The following SFSWAP variants were observed in gnomAD, a reference collection of about 807,000 sequenced individuals.
SFSWAP encodes splicing factor SWAP, also known as splicing factor, suppressor of white-apricot homolog.
Under a neutral mutation model 100.7 loss-of-function variants are expected in SFSWAP, and 17 were observed. That is an observed-to-expected ratio of 0.17 (90% confidence interval 0.12 to 0.25). The LOEUF (loss-of-function observed/expected upper bound fraction) is 0.25, where lower values mean the gene tolerates loss of function less well. Ranked by LOEUF, SFSWAP falls within the 10% of genes least tolerant of loss-of-function variation. The probability of loss-of-function intolerance (pLI) is 1.00; values close to 1 mark genes in which losing one functional copy is unlikely to be tolerated. For synonymous variants in SFSWAP, 504 were observed against 510.1 expected, an observed-to-expected ratio of 0.99 and a Z score of 0.16; for missense variants, 1,005 against 1,262.6, an observed-to-expected ratio of 0.80 and a Z score of 3.09.
In SFSWAP at chr12:131,711,493, C is replaced by T. The variant is rs751086984; in HGVS notation, c.218+46C>T. ...GTCGATCCTTCCCTTCCCTCACCCG[C>T]TTGATCTCGTCTGATGTTGACTTGA... is the stretch of plus-strand genomic sequence containing the variant. On this transcript the variant is annotated intron_variant, in intron 1 of 17. Transcript: ENST00000261674. The surrounding 1 kb of genome is among the most constrained non-coding windows in gnomAD (Gnocchi z 4.9). 1.3e-6 allele frequency: 2 copies of T among 1,489,044 alleles called. No individual in the cohort carries two copies. Among genetic ancestry groups the T allele is most frequent in the Admixed American group, 1.7e-5 (1 of 59,326 alleles). The allele number at this position is 1,489,044 out of a possible 1,614,324, so 92.2% of individuals were successfully genotyped here.
At position 131,797,316 on chromosome 12, in the gene SFSWAP, C is replaced by T. The variant is rs758662008; in HGVS notation, c.2673C>T (p.Ser891=). Residue 891 remains serine (S), a synonymous_variant, in exon 16 of 18, where the codon AGC becomes AGT. Coordinates refer to ENST00000261674, the MANE Select transcript of SFSWAP (RefSeq NM_004592.4). ...CGGCCCACTCGGCGCACTCAGCCAG[C>T]GTCTCCCCTGTGGAGAGTCGGGGCT... ...APAAHSAHSA[S]VSPVESRGSS... 6.2e-6 allele frequency: 10 copies of T among 1,611,120 alleles called. No individual in the cohort carries two copies. Among genetic ancestry groups the T allele is most frequent in the African/African-American group, 5.3e-5 (4 of 74,868 alleles).
At chr12:131,764,339 T>C (rs1032586788) in intron 11 of SFSWAP, 117 bp from the exon 12 acceptor site, 3 of 757,754 alleles carry the variant, frequency 4.0e-6, no homozygotes, top group Admixed American at 4.4e-5. Context: ...ACCCTGCATA[T>C]GATGTGGCTC....
At chr12:131,738,636 G>A (rs1301242472) in intron 7 of SFSWAP, among the ~76,000 whole-genome samples, 1 of 152,124 alleles carries the variant, frequency 6.6e-6, no homozygotes. Context: ...GGTTGTCATT[G>A]TAGATATTTT....
chr12:131,793,561 A>G (rs1224250019), intron 15 of SFSWAP, among the ~76,000 whole-genome samples: 1 of 152,154 alleles, frequency 6.6e-6, no homozygotes, highest in Non-Finnish European at 1.5e-5. Context: ...AGGGTGGCAA[A>G]GATTCCTTAA....
At chr12:131,748,478 A>G (rs987116754) in intron 7 of SFSWAP, among the ~76,000 whole-genome samples, 30 of 152,128 alleles carry the variant, frequency 2.0e-4, no homozygotes, top group African/African-American at 7.2e-4. Flanking sequence ...TTCTTAATAT[A>G]CACATTGTTC....
In SFSWAP at chr12:131,714,098, C is replaced by G. The variant is rs1443554577; in HGVS notation, c.246C>G (p.Asp82Glu). Residue 82 changes from aspartate (D) to glutamate (E), a missense_variant, in exon 2 of 18, where the codon GAC becomes GAG. Physicochemically the swap from Asp to Glu is conservative, Grantham distance 45. Transcript: ENST00000261674. The surrounding 1 kb of genome is among the most constrained non-coding windows in gnomAD (Gnocchi z 6.0). ...ATGATGGACGTGGTCACCTGCATGA[C>G]CTTTCTGAGTACGATGCTGAGTATT... ...DRYDGRGHLHDLSEYDAEYST... is the reference protein window; with the variant it reads ...DRYDGRGHLHELSEYDAEYST... 6.2e-7 allele frequency: 1 copy of G among 1,613,748 alleles called. No homozygotes were observed. The highest frequency in any genetic ancestry group is 1.1e-5 in the South Asian group (1 of 91,062).
At chr12:131,753,025 T>C (rs1375029035) in intron 7 of SFSWAP, 98 bp from the exon 8 acceptor site, 12 of 1,522,100 alleles carry the variant, frequency 7.9e-6, no homozygotes, top group African/African-American at 1.4e-5. Flanking sequence ...GAGGCAAGGC[T>C]GCATCTTGCC....
intron 4 of SFSWAP, among the ~76,000 whole-genome samples, chr12:131,723,073 C>A (rs1240342980): frequency 6.6e-6 from 1 of 152,102 alleles, no homozygotes; most frequent in Non-Finnish European, 1.5e-5. Flanking sequence ...GGGGTTCTAG[C>A]CAAGGGACCG....
At chr12:131,775,401 C>T (rs28478934) in intron 13 of SFSWAP, among the ~76,000 whole-genome samples, 14,498 of 152,180 alleles carry the variant, frequency 0.095, 974 homozygotes, top group South Asian at 0.22. Context: ...TTCCCAATGG[C>T]GTCTTTCAGC....
chr12:131,764,667 G>A lies in SFSWAP; in HGVS notation c.1932G>A (p.Glu644=). The change falls in exon 12 of 18, where the codon GAG becomes GAA. Residue 644 remains glutamate (E), a synonymous_variant. Transcript: ENST00000261674. ...AGAAGAAGCCTCAACTTACCCAGGA[G>A]GAGCTAGAAGCAAAGCAAGGTTTGT... ...VEEKKPQLTQ[E]ELEAKQAKQK... The A allele has an allele frequency of 6.2e-7, 1 of 1,613,170 alleles. No homozygotes were observed. Among genetic ancestry groups the A allele is most frequent in the Non-Finnish European group, 8.5e-7 (1 of 1,179,198 alleles).
At position 131,719,436 on chromosome 12, in the gene SFSWAP, A is replaced by G. The variant is rs780698022; in HGVS notation, c.521-18A>G. On this transcript the variant is annotated intron_variant, in intron 3 of 17. Transcript: ENST00000261674. ...CTCCCTGCATTGTTCTGAATTTTTT[A>G]ATTTTCTTTTTATGCAGAAAAAAAT... 1 of 1,607,064 alleles carries G rather than the reference A, an allele frequency of 6.2e-7. No individual in the cohort carries two copies. Among genetic ancestry groups the G allele is most frequent in the East Asian group, 2.2e-5 (1 of 44,850 alleles).
At chr12:131,787,847 C>G (rs1885003638) in intron 15 of SFSWAP, among the ~76,000 whole-genome samples, 1 of 152,188 alleles carries the variant, frequency 6.6e-6, no homozygotes, top group South Asian at 2.1e-4. Context: ...ACGGTTCCCT[C>G]CGTTGACAAG....
chr12:131,746,969 T>C (rs1359160064), intron 7 of SFSWAP, among the ~76,000 whole-genome samples: 1 of 152,064 alleles, frequency 6.6e-6, no homozygotes, highest in Non-Finnish European at 1.5e-5. Flanking sequence ...CCGGGTGTGG[T>C]GGCGGGTGCC....
intron 13 of SFSWAP, among the ~76,000 whole-genome samples, chr12:131,768,495 G>A (rs1883303947): frequency 6.6e-6 from 1 of 152,176 alleles, no homozygotes; most frequent in Admixed American, 6.5e-5. Flanking sequence ...CTGGCAGGAG[G>A]CCTCAGAAAT....
At position 131,754,522 on chromosome 12, in the gene SFSWAP, T is replaced by TTA. The variant is rs763695364; in HGVS notation, c.1454+24_1454+25dup. On this transcript the variant is annotated intron_variant, in intron 9 of 17. Coordinates refer to ENST00000261674, the MANE Select transcript of SFSWAP (RefSeq NM_004592.4). ...AAGGTCAGAAGAAGAATTTTATATGTTAGGTATATGGCATTTGGGGGTTTC... is the reference window on the plus strand; with the variant it reads ...AAGGTCAGAAGAAGAATTTTATATGTTATAGGTATATGGCATTTGGGGGTTTC... The TTA allele has an allele frequency of 2.6e-6, 4 of 1,536,230 alleles. No homozygotes were observed. In the African/African-American group the frequency reaches 4.2e-5, roughly 16 times the overall value.
At chr12:131,770,228 T>C (rs1462325285) in intron 13 of SFSWAP, among the ~76,000 whole-genome samples, 2 of 152,210 alleles carry the variant, frequency 1.3e-5, no homozygotes, top group East Asian at 3.8e-4. Context: ...GACCCAGCTA[T>C]GTAGTTGTGA....
At position 131,733,286 on chromosome 12, in the gene SFSWAP, TCTC is replaced by T. The variant is rs759649460; in HGVS notation, c.1081+4869_1081+4871del. ...AACTTTCGTATGTGTGTCTCTGCCA[TCTC>T]CTCCTCCTCCCATTCCTGACCTGTT... On this transcript the variant is annotated intron_variant, in intron 7 of 17. Transcript: ENST00000261674. This position sits in a 1 kb window ranked among gnomAD's most constrained non-coding sequence, Gnocchi z 5.1. 5.9e-5 allele frequency among the ~76,000 whole-genome samples: 9 copies of T among 152,226 alleles called. No homozygotes were observed. The South Asian group carries it at 1.0e-3, about 18-fold the overall frequency.
intron 7 of SFSWAP, among the ~76,000 whole-genome samples, chr12:131,745,164 G>A (rs1445718995): frequency 6.6e-6 from 1 of 152,160 alleles, no homozygotes; most frequent in African/African-American, 2.4e-5. Context: ...TGGGAGGATG[G>A]GAAGGAAGAT....
chr12:131,733,023 G>A lies in SFSWAP; in HGVS notation c.1081+4595G>A, dbSNP rs1302947915. Among the ~76,000 whole-genome samples, 1 of 152,216 alleles carries A rather than the reference G, an allele frequency of 6.6e-6. No homozygotes were observed. Among genetic ancestry groups the A allele is most frequent in the East Asian group, 1.9e-4 (1 of 5,186 alleles). On this transcript the variant is annotated intron_variant, in intron 7 of 17. Transcript: ENST00000261674. This position sits in a 1 kb window ranked among gnomAD's most constrained non-coding sequence, Gnocchi z 5.1. ...TTTCCTGAGGACAGAGGAGTTGCAT[G>A]TGAGGGAGGAGGCGTGATTTAAAGC...
Sources: gnomAD v4.1 joint callset for allele counts (sites outside exome capture counted in the v4.1 genomes callset) on GRCh38, gnomAD v4.1.1 for gene constraint, Gnocchi (gnomAD v3.1) non-coding constraint, MANE v1.5 for transcripts, NCBI Gene and HGNC (gene_info 2026-07-23, HGNC 2026-07-21) for gene names.